Variants in PTPRD observed in about 807,000 individuals in gnomAD.
PTPRD encodes receptor-type tyrosine-protein phosphatase delta.
In PTPRD, 34 loss-of-function variants were observed where a neutral mutation model predicts 214.5. That is an observed-to-expected ratio of 0.16 (90% CI 0.12 to 0.21). The LOEUF is 0.21. Among genes scored for constraint, PTPRD ranks in the 10% least tolerant of loss-of-function variants. PTPRD has a pLI of 1.00. For missense variants in PTPRD, 2,545 were observed against 2,398.7 expected (o/e 1.06, Z -1.27); for synonymous variants, 1,128 against 845.7 (o/e 1.33, Z -5.79).
intron 2 of PTPRD, among the ~76,000 whole-genome samples, chr9:10,513,537 G>A (rs563234401): frequency 9.3e-4 from 142 of 152,294 alleles, no homozygotes; most frequent in South Asian, 1.9e-3. Flanking sequence ...AGATAAGTTA[G>A]TCATTAGAGC....
chr9:9,404,673 C>A (rs376149028), intron 8 of PTPRD, among the ~76,000 whole-genome samples: 1 of 151,940 alleles, frequency 6.6e-6, no homozygotes, highest in African/African-American at 2.4e-5. Flanking sequence ...AAGTTGGATG[C>A]GGAAACCTAT....
chr9:10,276,264 CAT>C (rs892128332), intron 3 of PTPRD, among the ~76,000 whole-genome samples: 2 of 152,212 alleles, frequency 1.3e-5, no homozygotes, highest in African/African-American at 4.8e-5. Flanking sequence ...GGAAATGTCA[CAT>C]GTTCAGCTCA....
rs562646864 is a variant in PTPRD at position 8,317,075 on chromosome 9, G to A, written c.*799C>T. 2 of 230,644 alleles carry A rather than the reference G, an allele frequency of 8.7e-6. No homozygotes were observed. 14.3% of individuals were successfully genotyped at this position (230,644 alleles called of 1,614,324 possible). ...TATCTTTGATTATTTGAAGAGAATG[G>A]GTACTTTCTCACCAATCAAAACTGA... is the stretch of plus-strand genomic sequence containing the variant. On this transcript the variant is annotated 3_prime_UTR_variant, in exon 46 of 46. Coordinates refer to ENST00000381196, the MANE Select transcript of PTPRD (RefSeq NM_002839.4).
rs2096952049 is a variant in PTPRD, at chr9:8,484,361, C to A, written c.3171G>T (p.Gly1057=). 2 of 1,613,598 alleles carry A rather than the reference C, an allele frequency of 1.2e-6. No homozygotes were observed. Among genetic ancestry groups the A allele is most frequent in the Non-Finnish European group, 1.7e-6 (2 of 1,179,774 alleles). The change falls in exon 30 of 46, where the codon GGG becomes GGT. Residue 1057 remains glycine, a synonymous_variant. Transcript: ENST00000381196. ...AMPFKILYDD[G]KMVEEVDGRA... ...GGCCATCCACTTCTTCTACCATTTT[C>A]CCATCATCATAAAGAATCTAAAGAG...
intron 3 of PTPRD, among the ~76,000 whole-genome samples, chr9:10,132,214 G>A (rs1399652509): frequency 6.6e-6 from 1 of 151,998 alleles, no homozygotes; most frequent in Non-Finnish European, 1.5e-5. Context: ...AAATGAAAAT[G>A]ATGTGAGACT....
At chr9:9,413,835 A>T (rs1178522848) in intron 8 of PTPRD, among the ~76,000 whole-genome samples, 1 of 152,212 alleles carries the variant, frequency 6.6e-6, no homozygotes, top group Non-Finnish European at 1.5e-5. Context: ...GCCACATGAC[A>T]GTCACTTAAT....
intron 14 of PTPRD, among the ~76,000 whole-genome samples, chr9:8,632,905 T>C (rs1054197301): frequency 6.6e-6 from 1 of 152,038 alleles, no homozygotes; most frequent in African/African-American, 2.4e-5. Flanking sequence ...ATCTTTAGGC[T>C]AAGGTTCTTT....
At chr9:9,481,862 T>C (rs928562493) in intron 8 of PTPRD, among the ~76,000 whole-genome samples, 3 of 152,170 alleles carry the variant, frequency 2.0e-5, no homozygotes, top group Non-Finnish European at 4.4e-5. Context: ...TCTAAAGAAA[T>C]ACTTTTGATC....
At chr9:9,657,382 C>T (rs1044975866) in intron 7 of PTPRD, among the ~76,000 whole-genome samples, 3 of 152,036 alleles carry the variant, frequency 2.0e-5, no homozygotes, top group African/African-American at 4.8e-5. Flanking sequence ...TATTCTCACT[C>T]ATAAGTGGGA....
chr9:9,149,469 G>A lies in PTPRD; in HGVS notation c.-143+33835C>T, dbSNP rs559333285. On this transcript the variant is annotated intron_variant, in intron 10 of 45. Transcript: ENST00000381196. ...TTCACTAGACTTGCCTTCTGGATCA[G>A]CTTCGAAAGAATTTATTGGTGGTGT... is the stretch of plus-strand genomic sequence containing the variant. 5.3e-5 allele frequency among the ~76,000 whole-genome samples: 8 copies of A among 152,248 alleles called. No individual in the cohort carries two copies. The South Asian group carries it at 1.7e-3, about 32-fold the overall frequency.
intron 9 of PTPRD, among the ~76,000 whole-genome samples, chr9:9,348,159 T>C (rs1303481665): frequency 6.6e-6 from 1 of 152,180 alleles, no homozygotes; most frequent in Non-Finnish European, 1.5e-5. Flanking sequence ...GAATTTGATT[T>C]GGTATCTTTA....
At chr9:9,268,029 G>T (rs998606833) in intron 9 of PTPRD, among the ~76,000 whole-genome samples, 3 of 150,726 alleles carry the variant, frequency 2.0e-5, no homozygotes, top group African/African-American at 7.3e-5. Context: ...TCTTGCCTGA[G>T]AAATCAGGCA....
At chr9:10,187,893 G>A (rs2099345353) in intron 3 of PTPRD, among the ~76,000 whole-genome samples, 1 of 152,120 alleles carries the variant, frequency 6.6e-6, no homozygotes. Flanking sequence ...CCTAAATGTA[G>A]TTTGGAGTTT....
intron 35 of PTPRD, among the ~76,000 whole-genome samples, chr9:8,414,355 AC>A (rs1274751245): frequency 1.3e-5 from 2 of 152,232 alleles, no homozygotes; most frequent in African/African-American, 4.8e-5. Flanking sequence ...TTACATATGT[AC>A]TTAATATTTG....
At chr9:9,822,735 C>G (rs866030869) in intron 5 of PTPRD, among the ~76,000 whole-genome samples, 1 of 151,828 alleles carries the variant, frequency 6.6e-6, no homozygotes, top group African/African-American at 2.4e-5. Context: ...ATCCAAAATT[C>G]TGAAAGCTAA....
intron 11 of PTPRD, among the ~76,000 whole-genome samples, chr9:8,926,153 C>T (rs945370886): frequency 3.3e-5 from 5 of 152,034 alleles, no homozygotes; most frequent in African/African-American, 4.8e-5. Flanking sequence ...ACTCCATTTG[C>T]CCAAACTGCA....
At chr9:8,939,732 C>G (rs998655605) in intron 11 of PTPRD, among the ~76,000 whole-genome samples, 2 of 151,942 alleles carry the variant, frequency 1.3e-5, no homozygotes, top group African/African-American at 4.8e-5. Context: ...TTTATCTTTC[C>G]TTCTAAAGTG....
At chr9:9,452,501 T>C (rs1316602579) in intron 8 of PTPRD, among the ~76,000 whole-genome samples, 1 of 151,220 alleles carries the variant, frequency 6.6e-6, no homozygotes, top group Non-Finnish European at 1.5e-5. Context: ...AAAATGAATA[T>C]GATAAGATTT....
chr9:9,905,315 C>A (rs1049235578), intron 5 of PTPRD, among the ~76,000 whole-genome samples: 1 of 151,810 alleles, frequency 6.6e-6, no homozygotes, highest in Non-Finnish European at 1.5e-5. Flanking sequence ...AATTATATTT[C>A]AGGTAGAGTT....
Sources: allele counts gnomAD v4.1 joint callset (sites outside exome capture counted in the v4.1 genomes callset), GRCh38; gene constraint gnomAD v4.1.1; transcripts MANE v1.5; gene names NCBI Gene and HGNC (gene_info 2026-07-23, HGNC 2026-07-21).